The following CPSF3 variants were observed in gnomAD, a reference collection of about 807,000 sequenced individuals.
CPSF3 encodes cleavage and polyadenylation specific factor 3.
Under a neutral mutation model 84.1 loss-of-function variants are expected in CPSF3, and 57 were observed. The observed-to-expected ratio is 0.68, with a 90% CI of 0.55 to 0.85. The LOEUF (loss-of-function observed/expected upper bound fraction) is 0.85. Among genes scored for constraint, CPSF3 ranks in the 40% least tolerant of loss-of-function variants. The pLI is 0.00. For missense variants in CPSF3, 522 were observed against 838.8 expected (o/e 0.62, Z 4.66); for synonymous variants, 275 against 278.1 (o/e 0.99, Z 0.11).
chr2:9,467,060 A>G (rs1013890967), intron 15 of CPSF3, among the ~76,000 whole-genome samples: 3 of 152,150 alleles, frequency 2.0e-5, no homozygotes. Flanking sequence ...CTCACTGTTT[A>G]ACTTTCTGAG....
intron 14 of CPSF3, among the ~76,000 whole-genome samples, chr2:9,458,288 C>CA (rs1416660751): frequency 1.3e-5 from 2 of 152,008 alleles, no homozygotes; most frequent in African/African-American, 4.8e-5. Context: ...CCTAAAATCC[C>CA]AACTACTTGG....
At chr2:9,433,390 T>C (rs1680666822) in intron 5 of CPSF3, among the ~76,000 whole-genome samples, 1 of 152,222 alleles carries the variant, frequency 6.6e-6, no homozygotes, top group South Asian at 2.1e-4. Context: ...TTGGAACTTT[T>C]AGACATTGAA....
chr2:9,451,279 A>G (rs1237203043), intron 11 of CPSF3, among the ~76,000 whole-genome samples: 1 of 152,198 alleles, frequency 6.6e-6, no homozygotes, highest in Non-Finnish European at 1.5e-5. Flanking sequence ...AAAGCTACCT[A>G]CAATTAAGGA....
chr2:9,457,047 C>A lies in CPSF3; in HGVS notation c.1698+20C>A. 1 of 1,408,108 alleles carries A rather than the reference C, an allele frequency of 7.1e-7. No individual in the cohort carries two copies. Among genetic ancestry groups the A allele is most frequent in the South Asian group, 1.3e-5 (1 of 79,470 alleles). The allele number at this position is 1,408,108 out of a possible 1,614,324, so 87.2% of individuals were successfully genotyped here. On this transcript the variant is annotated intron_variant, in intron 14 of 17. Coordinates refer to ENST00000238112, the MANE Select transcript of CPSF3 (RefSeq NM_016207.4). ...TTAGAAGTAAGAAAAGATCATTTAC[C>A]TAAACAATGAGGGGAAAAAAGTTTT...
chr2:9,457,969 T>C (rs1681588696), intron 14 of CPSF3, among the ~76,000 whole-genome samples: 1 of 152,150 alleles, frequency 6.6e-6, no homozygotes. Flanking sequence ...TTGGCCAGGA[T>C]GGTCTTGAAC....
chr2:9,472,888 A>G, intron 17 of CPSF3, 28 bp from the exon 18 acceptor site: 2 of 1,354,160 alleles, frequency 1.5e-6, no homozygotes, highest in Non-Finnish European at 2.1e-6. Context: ...ACTTAATTCT[A>G]ACAGTCTTGT....
chr2:9,424,168 G>A, intron 1 of CPSF3: 2 of 1,047,296 alleles, frequency 1.9e-6, no homozygotes, highest in Non-Finnish European at 2.3e-6. Flanking sequence ...GGCAAGCTGT[G>A]AGGGAGCCGG....
At chr2:9,435,033 C>T (rs1680725500) in intron 6 of CPSF3, among the ~76,000 whole-genome samples, 1 of 152,134 alleles carries the variant, frequency 6.6e-6, no homozygotes, top group Admixed American at 6.5e-5. Flanking sequence ...TTTTTGAACC[C>T]TCAGAAAAAG....
intron 14 of CPSF3, among the ~76,000 whole-genome samples, chr2:9,458,932 G>C (rs982939906): frequency 1.5e-4 from 23 of 152,178 alleles, no homozygotes; most frequent in South Asian, 2.1e-4. Context: ...GACCAACATG[G>C]AGAAACCCTG....
intron 1 of CPSF3, chr2:9,424,449 C>A: frequency 5.9e-6 from 1 of 168,204 alleles, no homozygotes. Flanking sequence ...TGGACACGAT[C>A]CTCATCAGTC....
At chr2:9,448,006 G>A (rs1469005725) in intron 10 of CPSF3, among the ~76,000 whole-genome samples, 192 bp from the exon 11 acceptor site, 5 of 152,128 alleles carry the variant, frequency 3.3e-5, no homozygotes, top group Non-Finnish European at 5.9e-5. Flanking sequence ...TACCACATAA[G>A]GATCAAACAG....
chr2:9,445,391 C>A (rs1282068807), intron 10 of CPSF3, among the ~76,000 whole-genome samples: 1 of 152,186 alleles, frequency 6.6e-6, no homozygotes, highest in African/African-American at 2.4e-5. Flanking sequence ...CACTTTACAG[C>A]AAATGTGAAG....
At chr2:9,469,481 C>G (rs1682090763) in intron 16 of CPSF3, among the ~76,000 whole-genome samples, 1 of 152,204 alleles carries the variant, frequency 6.6e-6, no homozygotes, top group South Asian at 2.1e-4. Context: ...TGGCCCCGCT[C>G]TCCCACGTGC....
At chr2:9,444,756 C>T (rs749252882) in intron 10 of CPSF3, among the ~76,000 whole-genome samples, 1 of 152,100 alleles carries the variant, frequency 6.6e-6, no homozygotes, top group East Asian at 1.9e-4. Flanking sequence ...GCTTCTGCCT[C>T]CTGGGTTAAA....
rs758235541 is a variant in CPSF3 at position 9,432,707 on chromosome 2, G to T, written c.519+19G>T. The T allele has an allele frequency of 1.3e-6, 2 of 1,481,756 alleles. No homozygotes were observed. The highest frequency in any genetic ancestry group is 1.5e-5 in the South Asian group (1 of 67,250). 91.8% of individuals were successfully genotyped at this position (1,481,756 alleles called of 1,614,324 possible). A position where few individuals can be genotyped will look rare whatever the true frequency, so the allele number is the denominator to read the frequency against. Reference sequence around the variant, plus strand: ...CGTGAAGGTACCCTCTGGCTGTGGCGCTTTTCTCCCCAGAGAAATCAGTAC... The same window carrying T: ...CGTGAAGGTACCCTCTGGCTGTGGCTCTTTTCTCCCCAGAGAAATCAGTAC... On this transcript the variant is annotated intron_variant, in intron 5 of 17. Transcript: ENST00000238112.
chr2:9,436,774 A>AAAAAAAAAAAATAAATAAT (rs139337028), intron 7 of CPSF3, among the ~76,000 whole-genome samples: 2 of 143,002 alleles, frequency 1.4e-5, no homozygotes, highest in African/African-American at 5.2e-5. Flanking sequence ...CCATCTCAAA[A>AAAAAAAAAAAATAAATAAT]AATAATAATA....
At chr2:9,454,745 C>A (rs879411656) in intron 12 of CPSF3, among the ~76,000 whole-genome samples, 54 of 151,766 alleles carry the variant, frequency 3.6e-4, no homozygotes, top group African/African-American at 1.3e-3. Context: ...GGGGTTTCAC[C>A]GTGTTAGCCA....
At chr2:9,454,865 C>T (rs1191415630) in intron 12 of CPSF3, among the ~76,000 whole-genome samples, 1 of 151,956 alleles carries the variant, frequency 6.6e-6, no homozygotes, top group Non-Finnish European at 1.5e-5. Context: ...TCTTATGCCA[C>T]ATAGTCCCAG....
chr2:9,428,022 A>G, intron 1 of CPSF3, among the ~76,000 whole-genome samples: 1 of 149,548 alleles, frequency 6.7e-6, no homozygotes, highest in Admixed American at 6.6e-5. Flanking sequence ...TTTGAGGCAG[A>G]GTCTCGCTCT....
Sources: gnomAD v4.1 joint callset for allele counts (sites outside exome capture counted in the v4.1 genomes callset) on GRCh38, gnomAD v4.1.1 for gene constraint, MANE v1.5 for transcripts, NCBI Gene and HGNC (gene_info 2026-07-23, HGNC 2026-07-21) for gene names.